Variants in PRRC2A observed in about 807,000 individuals in gnomAD.
The protein encoded by PRRC2A is protein PRRC2A.
A neutral mutation model predicts 224.6 loss-of-function variants in PRRC2A; 59 were observed. The observed-to-expected ratio is 0.26, with a 90% CI of 0.21 to 0.33. The LOEUF is 0.33. Among genes scored for constraint, PRRC2A ranks in the 10% least tolerant of loss-of-function variants. PRRC2A has a pLI of 1.00. For synonymous variants in PRRC2A, 1,194 were observed against 1,109.5 expected (o/e 1.08, Z -1.51); for missense variants, 3,095 against 2,880.7 (o/e 1.07, Z -1.70).
chr6:31,631,934 A>T lies in PRRC2A; in HGVS notation c.3261A>T (p.Thr1087=). 6.2e-7 allele frequency: 1 copy of T among 1,612,892 alleles called. No individual in the cohort carries two copies. Among genetic ancestry groups the T allele is most frequent in the Non-Finnish European group, 8.5e-7 (1 of 1,179,970 alleles). ...PAPRGRTASE[T]RSEGSEYEEI... The stretch of plus-strand genomic sequence containing the variant: ...CCCGAGGCCGCACTGCCAGCGAGAC[A>T]CGGAGCGAGGGTTCAGAGTATGAGG... Residue 1087 remains threonine (T), a synonymous_variant, in exon 16 of 31, where the codon ACA becomes ACT. Transcript: ENST00000376033. The surrounding 1 kb of genome is among the most constrained non-coding windows in gnomAD (Gnocchi z 4.5).
At position 31,631,567 on chromosome 6, in the gene PRRC2A, C is replaced by A. The variant is rs886360628; in HGVS notation, c.2894C>A (p.Pro965His). 6.3e-7 allele frequency: 1 copy of A among 1,586,876 alleles called. No individual in the cohort carries two copies. The highest frequency in any genetic ancestry group is 8.5e-7 in the Non-Finnish European group (1 of 1,170,406). Residue 965 changes from proline to histidine, a missense_variant, in exon 16 of 31, where the codon CCT becomes CAT. Pro to His is a moderately conservative substitution (Grantham distance 77). Transcript: ENST00000376033. The surrounding 1 kb of genome is among the most constrained non-coding windows in gnomAD (Gnocchi z 4.5). ...CCACCTACAAAAGTAGAAGAGCTGC[C>A]TCCCAAGCCCCTCGAACAGGGGGAT... ...PPPPTKVEEL[P>H]PKPLEQGDET...
intron 12 of PRRC2A, 55 bp downstream of exon 12, chr6:31,628,294 T>G (rs949779224): frequency 1.3e-6 from 2 of 1,551,278 alleles, no homozygotes; most frequent in African/African-American, 2.7e-5. Flanking sequence ...TCAAGGTGCT[T>G]AAAGGTGCAG....
chr6:31,627,053 A>G lies in PRRC2A; in HGVS notation c.1145A>G (p.Asn382Ser), dbSNP rs925946067. The G allele has an allele frequency of 6.2e-7, 1 of 1,614,224 alleles. No individual in the cohort carries two copies. The highest frequency in any genetic ancestry group is 1.3e-5 in the African/African-American group (1 of 75,060). ...EADGKKGNSP[N>S]SEPPTPKTAW... is the part of the protein sequence containing the mutation. ...GATGGCAAAAAGGGCAACTCCCCCA[A>G]CAGCGAACCGCCCACTCCTAAGACG... is the stretch of plus-strand genomic sequence containing the variant. The change falls in exon 11 of 31, where the codon AAC (asparagine) becomes AGC (serine). Residue 382 changes from asparagine to serine, a missense_variant. Coordinates refer to ENST00000376033, the MANE Select transcript of PRRC2A (RefSeq NM_004638.4). This position sits in a 1 kb window ranked among gnomAD's most constrained non-coding sequence, Gnocchi z 5.6.
chr6:31,637,578 C>T lies in PRRC2A; in HGVS notation c.6466C>T (p.Pro2156Ser). 1.3e-6 allele frequency: 2 copies of T among 1,577,422 alleles called. No homozygotes were observed. Among genetic ancestry groups the T allele is most frequent in the Non-Finnish European group, 1.7e-6 (2 of 1,163,518 alleles). ...GGACAAGGAGCCTGGGTTGCCCCCA[C>T]CCCGCTGAGGGAGTTCCTCTTGCCC... is the stretch of plus-strand genomic sequence containing the variant. ...RGDKEPGLPP[P>S]R Residue 2156 changes from proline (P) to serine (S), a missense_variant, in exon 31 of 31, where the codon CCC becomes TCC. Pro to Ser is a moderately conservative substitution (Grantham distance 74). Around this residue, in one of 8 missense-constraint regions of PRRC2A, gnomAD observed 662 missense variants for 609.5 expected, o/e 1.09. Coordinates refer to ENST00000376033, the MANE Select transcript of PRRC2A (RefSeq NM_004638.4).
At position 31,626,836 on chromosome 6, in the gene PRRC2A, C is replaced by T; in HGVS notation, c.1047C>T (p.Asp349=). 6.2e-7 allele frequency: 1 copy of T among 1,606,642 alleles called. No individual in the cohort carries two copies. Among genetic ancestry groups the T allele is most frequent in the Non-Finnish European group, 8.5e-7 (1 of 1,176,836 alleles). Residue 349 remains aspartate (D), a synonymous_variant, in exon 10 of 31, where the codon GAC becomes GAT. Coordinates refer to ENST00000376033, the MANE Select transcript of PRRC2A (RefSeq NM_004638.4). ...LKFSDEEDGR[D]SDEEGAEGHR... is the part of the protein sequence containing the mutation. ...TCAGCGATGAGGAAGATGGGCGAGA[C>T]TCTGATGAGGAGGGTGCTGAGGGCC...
rs1776057261 is a variant in PRRC2A at position 31,627,602 on chromosome 6, CAAA to C, written c.1291-162_1291-160del. 6.6e-6 allele frequency among the ~76,000 whole-genome samples: 1 copy of C among 152,168 alleles called. No individual in the cohort carries two copies. The highest frequency in any genetic ancestry group is 2.1e-4 in the South Asian group (1 of 4,826). The stretch of plus-strand genomic sequence containing the variant: ...TGGGCAACATAGCAAGACGTGGTCT[CAAA>C]GAAGACCAGGATAATGAGTTTGTCA... On this transcript the variant is annotated intron_variant, in intron 11 of 30. Coordinates refer to ENST00000376033, the MANE Select transcript of PRRC2A (RefSeq NM_004638.4). The surrounding 1 kb of genome is among the most constrained non-coding windows in gnomAD (Gnocchi z 5.6).
chr6:31,636,967 G>C lies in PRRC2A; in HGVS notation c.6147+22G>C. 1.9e-6 allele frequency: 3 copies of C among 1,605,044 alleles called. No homozygotes were observed. Among genetic ancestry groups the C allele is most frequent in the Admixed American group, 1.7e-5 (1 of 59,396 alleles). ...AGAGGTAAGGTACAGGAACTGAGGG[G>C]CTAGGGAGCGCCAAGACTTGGGAGT... is the stretch of plus-strand genomic sequence containing the variant. On this transcript the variant is annotated intron_variant, in intron 28 of 30. Transcript: ENST00000376033. This position sits in a 1 kb window ranked among gnomAD's most constrained non-coding sequence, Gnocchi z 4.3.
chr6:31,629,070 C>T (rs1428129334), intron 12 of PRRC2A, 74 bp from the exon 13 acceptor site: 13 of 1,434,006 alleles, frequency 9.1e-6, no homozygotes, highest in Admixed American at 8.7e-5. Context: ...AGAGATGAGA[C>T]GTGAGATTCC....
intron 12 of PRRC2A, chr6:31,628,871 T>G: frequency 2.3e-6 from 1 of 440,862 alleles, no homozygotes. Flanking sequence ...AAGAAATACA[T>G]AAATAAAAAT....
chr6:31,621,285 G>C (rs1775255198), intron 1 of PRRC2A, among the ~76,000 whole-genome samples: 1 of 151,436 alleles, frequency 6.6e-6, no homozygotes, highest in African/African-American at 2.4e-5. Flanking sequence ...ATCATCCAGC[G>C]CTGTGTTCCC....
chr6:31,624,385 G>A (rs1424399663), intron 4 of PRRC2A, 25 bp downstream of exon 4: 5 of 1,610,978 alleles, frequency 3.1e-6, no homozygotes, highest in African/African-American at 1.3e-5. Context: ...GGAGGGGTGG[G>A]GAGGAAGAAT....
Position 31,627,831 on chromosome 6 carries a change from C to T in PRRC2A, c.1357C>T (p.Arg453Ter). Reference protein sequence around the residue: ...EDEDEAWRQRRKQSSSEISLA... With the variant: ...EDEDEAWRQR ...TGAGGATGAGGCATGGCGGCAGCGA[C>T]GAAAGCAGTCGTCATCTGAGATTTC... The change falls in exon 12 of 31, where the codon CGA becomes TGA. Residue 453 changes from arginine to a stop codon, truncating the protein, a stop_gained. Coordinates refer to ENST00000376033, the MANE Select transcript of PRRC2A (RefSeq NM_004638.4). LOFTEE classifies it high-confidence loss of function. The surrounding 1 kb of genome is among the most constrained non-coding windows in gnomAD (Gnocchi z 5.6). 6.2e-7 allele frequency: 1 copy of T among 1,613,044 alleles called. No individual in the cohort carries two copies. The highest frequency in any genetic ancestry group is 8.5e-7 in the Non-Finnish European group (1 of 1,180,042).
rs752244361 is a variant in PRRC2A at position 31,631,541 on chromosome 6, A to G, written c.2868A>G (p.Pro956=). ...PRRAGPIKKP[P]PPTKVEELPP... ...GGGCTGGGCCTATAAAGAAACCTCC[A>G]CCACCTACAAAAGTAGAAGAGCTGC... is the stretch of plus-strand genomic sequence containing the variant. Residue 956 remains proline, a synonymous_variant, in exon 16 of 31, where the codon CCA becomes CCG. Coordinates refer to ENST00000376033, the MANE Select transcript of PRRC2A (RefSeq NM_004638.4). The surrounding 1 kb of genome is among the most constrained non-coding windows in gnomAD (Gnocchi z 4.5). The G allele has an allele frequency of 2.5e-6, 4 of 1,594,128 alleles. No individual in the cohort carries two copies. The highest frequency in any genetic ancestry group is 3.7e-5 in the Admixed American group (2 of 54,244).
rs954586999 is a variant in PRRC2A, at chr6:31,625,339, A to T, written c.607+25A>T. The T allele has an allele frequency of 1.2e-6, 2 of 1,613,944 alleles. No homozygotes were observed. ...AGTGAGTGGCTGCCTTTTGGCCAAG[A>T]CATTACCTATTGCATCTCAGAGCTA... On this transcript the variant is annotated intron_variant, in intron 6 of 30. Coordinates refer to ENST00000376033, the MANE Select transcript of PRRC2A (RefSeq NM_004638.4). This position sits in a 1 kb window ranked among gnomAD's most constrained non-coding sequence, Gnocchi z 4.1.
At chr6:31,622,371 T>C (rs1368320691) in intron 1 of PRRC2A, among the ~76,000 whole-genome samples, 1 of 152,222 alleles carries the variant, frequency 6.6e-6, no homozygotes, top group Non-Finnish European at 1.5e-5. Flanking sequence ...ATTTGTCCTG[T>C]TGTAAGTCTC....
At chr6:31,629,521 C>T (rs1306050539) in intron 13 of PRRC2A, 27 bp from the exon 14 acceptor site, 1 of 1,473,480 alleles carries the variant, frequency 6.8e-7, no homozygotes, top group Non-Finnish European at 9.5e-7. Context: ...TTGAGCCTCT[C>T]TCATCTTGTC....
chr6:31,629,950 T>C, intron 14 of PRRC2A, 105 bp downstream of exon 14: 1 of 1,523,204 alleles, frequency 6.6e-7, no homozygotes, highest in South Asian at 1.3e-5. Context: ...TTGCCCATCA[T>C]AGTGATGAGG....
chr6:31,626,889 A>AG (rs1234739653), intron 10 of PRRC2A, 27 bp downstream of exon 10: 3 of 1,612,638 alleles, frequency 1.9e-6, no homozygotes, highest in Non-Finnish European at 2.5e-6. Context: ...AGGGGAGAAG[A>AG]GGAGGGGGTC....
At chr6:31,629,494 C>T (rs753327927) in intron 13 of PRRC2A, 54 bp from the exon 14 acceptor site, 1 of 1,421,384 alleles carries the variant, frequency 7.0e-7, no homozygotes, top group South Asian at 1.2e-5. Context: ...TTGCTGATTC[C>T]TTTGTCCATG....
Sources: gnomAD v4.1 joint callset for allele counts (sites outside exome capture counted in the v4.1 genomes callset) on GRCh38, gnomAD v4.1.1 for gene constraint, gnomAD v4.1.1 regional missense constraint, Gnocchi (gnomAD v3.1) non-coding constraint, MANE v1.5 for transcripts, NCBI Gene and HGNC (gene_info 2026-07-23, HGNC 2026-07-21) for gene names.